TOX: variants seen among roughly 807,000 people sequenced by gnomAD.
TOX encodes thymocyte selection-associated high mobility group box protein TOX.
A neutral mutation model predicts 53.7 loss-of-function variants in TOX; 11 were observed. The ratio of observed to expected loss-of-function variants is 0.20; its 90% CI spans 0.13 to 0.34. TOX has a LOEUF of 0.34. Among genes scored for constraint, TOX ranks in the 10% least tolerant of loss-of-function variants. The probability of loss-of-function intolerance (pLI) is 1.00; values close to 1 mark genes in which losing one functional copy is unlikely to be tolerated. For missense variants in TOX, 570 were observed against 664.6 expected (o/e 0.86, Z 1.56); for synonymous variants, 225 against 245.3 (o/e 0.92, Z 0.77).
chr8:58,873,468 GA>G (rs1811229924), intron 3 of TOX, among the ~76,000 whole-genome samples: 2 of 152,060 alleles, frequency 1.3e-5, no homozygotes, highest in Non-Finnish European at 2.9e-5. Flanking sequence ...TGGAAACATG[GA>G]CCCAAACAGT....
intron 6 of TOX, among the ~76,000 whole-genome samples, chr8:58,824,130 T>C (rs772320177): frequency 2.6e-4 from 40 of 152,146 alleles, no homozygotes; most frequent in Non-Finnish European, 4.4e-4. Context: ...AGAGGACTCA[T>C]GAGCAGCATG....
chr8:59,091,027 C>T (rs967262373), intron 1 of TOX, among the ~76,000 whole-genome samples: 10 of 152,122 alleles, frequency 6.6e-5, no homozygotes, highest in African/African-American at 2.4e-4. Flanking sequence ...GCGTTGTCCT[C>T]TCACATATAA....
At chr8:59,096,957 A>G (rs1458146415) in intron 1 of TOX, among the ~76,000 whole-genome samples, 10 of 152,190 alleles carry the variant, frequency 6.6e-5, no homozygotes, top group Non-Finnish European at 1.3e-4. Context: ...TGATGAATTC[A>G]TCTAAGTGCA....
chr8:58,987,703 G>A (rs1028639324), intron 1 of TOX, among the ~76,000 whole-genome samples: 1 of 152,208 alleles, frequency 6.6e-6, no homozygotes, highest in African/African-American at 2.4e-5. Context: ...GCCAGATGAA[G>A]TAGTGCCTGG....
chr8:58,883,992 A>G (rs1811428449), intron 3 of TOX, among the ~76,000 whole-genome samples: 1 of 152,176 alleles, frequency 6.6e-6, no homozygotes, highest in African/African-American at 2.4e-5. Flanking sequence ...TCACAGGTCA[A>G]ATGTCTGACA....
chr8:59,085,979 C>CTTTTTTTTTTTTT (rs35593177), intron 1 of TOX, among the ~76,000 whole-genome samples: 1 of 88,822 alleles, frequency 1.1e-5, no homozygotes, highest in Admixed American at 1.2e-4. Context: ...CTTTTCTTTT[C>CTTTTTTTTTTTTT]TTTTTTTTTT....
At chr8:58,967,291 C>T (rs1054154075) in intron 1 of TOX, among the ~76,000 whole-genome samples, 1 of 152,152 alleles carries the variant, frequency 6.6e-6, no homozygotes, top group Non-Finnish European at 1.5e-5. Context: ...TCTCTAATTT[C>T]ACTAAATATA....
chr8:58,925,701 GC>G (rs1354088306), intron 3 of TOX, among the ~76,000 whole-genome samples: 1 of 152,184 alleles, frequency 6.6e-6, no homozygotes, highest in Non-Finnish European at 1.5e-5. Context: ...GGGATTCTCT[GC>G]CCTCAGACAC....
chr8:58,968,592 C>A (rs1812945596), intron 1 of TOX, among the ~76,000 whole-genome samples: 1 of 152,176 alleles, frequency 6.6e-6, no homozygotes, highest in African/African-American at 2.4e-5. Context: ...ACCACAGTAC[C>A]TAAATTCAAC....
intron 2 of TOX, among the ~76,000 whole-genome samples, chr8:58,954,039 G>A (rs1410341531): frequency 1.3e-5 from 2 of 152,034 alleles, no homozygotes; most frequent in Non-Finnish European, 2.9e-5. Context: ...AGAGAATATT[G>A]TACAAAAAGA....
chr8:58,811,269 T>G (rs894888548), intron 7 of TOX, among the ~76,000 whole-genome samples: 2 of 152,210 alleles, frequency 1.3e-5, no homozygotes, highest in Admixed American at 1.3e-4. Context: ...AGACTGAATA[T>G]TTTGCATTTT....
intron 1 of TOX, among the ~76,000 whole-genome samples, chr8:59,095,949 T>C (rs111536663): frequency 0.014 from 2,131 of 152,328 alleles, 28 homozygotes; most frequent in Non-Finnish European, 0.02. Context: ...GATCACACAC[T>C]TTTAAATAAT....
At chr8:58,952,916 A>G (rs1750675897) in intron 2 of TOX, among the ~76,000 whole-genome samples, 1 of 152,178 alleles carries the variant, frequency 6.6e-6, no homozygotes, top group African/African-American at 2.4e-5. Context: ...GAAACTGGCA[A>G]TCAGTAGATG....
chr8:59,074,928 G>A (rs1345292433), intron 1 of TOX, among the ~76,000 whole-genome samples: 2 of 152,160 alleles, frequency 1.3e-5, no homozygotes, highest in Admixed American at 1.3e-4. Context: ...TTGTCACTAA[G>A]GAAGAGCAGA....
At chr8:59,094,369 G>A (rs1177887831) in intron 1 of TOX, among the ~76,000 whole-genome samples, 1 of 151,982 alleles carries the variant, frequency 6.6e-6, no homozygotes, top group African/African-American at 2.4e-5. Context: ...CTGGCACAGT[G>A]GCTCACATCT....
chr8:58,808,377 T>C (rs965477529), intron 7 of TOX, 108 bp from the exon 8 acceptor site: 159 of 1,394,636 alleles, frequency 1.1e-4, no homozygotes, highest in Middle Eastern at 2.2e-4. Context: ...CTTGCTTCTG[T>C]CTCTGCAAGG....
At chr8:58,808,359 C>A in intron 7 of TOX, 90 bp from the exon 8 acceptor site, 30 of 1,468,774 alleles carry the variant, frequency 2.0e-5, no homozygotes, top group Non-Finnish European at 2.7e-5. Flanking sequence ...TGCAGACACA[C>A]TAGGCCTCTT....
At chr8:58,838,989 C>T (rs565434388) in intron 4 of TOX, among the ~76,000 whole-genome samples, 8 of 152,222 alleles carry the variant, frequency 5.3e-5, no homozygotes, top group South Asian at 2.1e-4. Context: ...TGTTAGCCAC[C>T]GTGCCCAGCC....
chr8:58,850,320 C>G (rs1336518684), intron 4 of TOX, among the ~76,000 whole-genome samples: 1 of 152,142 alleles, frequency 6.6e-6, no homozygotes, highest in Non-Finnish European at 1.5e-5. Context: ...TAGGGAAGTA[C>G]CCAGGTTGGC....
Sources: gnomAD v4.1 joint callset for allele counts (sites outside exome capture counted in the v4.1 genomes callset) on GRCh38, gnomAD v4.1.1 for gene constraint, MANE v1.5 for transcripts, NCBI Gene and HGNC (gene_info 2026-07-23, HGNC 2026-07-21) for gene names.